Variants in VWA2 observed in about 807,000 individuals in gnomAD.
The protein encoded by VWA2 is von Willebrand factor A domain containing 2.
In VWA2, 73 loss-of-function variants were observed where a neutral mutation model predicts 70.4. The observed-to-expected ratio is 1.04, with a 90% CI of 0.86 to 1.26. VWA2 has a LOEUF of 1.26. Ranked by LOEUF, VWA2 falls within the 50% of genes most tolerant of loss-of-function variation. The pLI, the probability that VWA2 is intolerant of heterozygous loss-of-function variation, is 0.00. For missense variants in VWA2, 1,011 were observed against 998.5 expected, an observed-to-expected ratio of 1.01 and a Z score of -0.17; for synonymous variants, 407 against 423.3, an observed-to-expected ratio of 0.96 and a Z score of 0.47.
At position 114,290,343 on chromosome 10, in the gene VWA2, G is replaced by A. The variant is rs1417838792; in HGVS notation, c.2226G>A (p.Trp742Ter). Reference protein sequence around the residue: ...GSYRCKCRDGWEGPHCENRFL... With the variant: ...GSYRCKCRDG ...ACCGCTGCAAGTGTCGGGATGGCTGGGAGGGCCCCCACTGCGAGAACCGTG... is the reference window on the plus strand; with the variant it reads ...ACCGCTGCAAGTGTCGGGATGGCTGAGAGGGCCCCCACTGCGAGAACCGTG... The change falls in exon 13 of 14, where the codon TGG becomes TGA. Residue 742 changes from tryptophan to a stop codon, truncating the protein, a stop_gained. Transcript: ENST00000392982. LOFTEE classifies it high-confidence loss of function. 2 of 1,550,456 alleles carry A rather than the reference G, an allele frequency of 1.3e-6. No individual in the cohort carries two copies. The highest frequency in any genetic ancestry group is 4.9e-5 in the East Asian group (2 of 40,940).
At position 114,290,277 on chromosome 10, in the gene VWA2, G is replaced by T. The variant is rs773604676; in HGVS notation, c.2160G>T (p.Pro720=). 3 of 1,550,550 alleles carry T rather than the reference G, an allele frequency of 1.9e-6. No individual in the cohort carries two copies. In the East Asian group the frequency reaches 7.3e-5, roughly 38 times the overall value. ...CAGTCAACCTCTGCAAACCCAGCCC[G>T]TGCATGAATGAGGGCAGCTGCGTCC... The part of the protein sequence containing the change: ...KQPVNLCKPS[P]CMNEGSCVLQ... The change falls in exon 13 of 14, where the codon CCG becomes CCT. Residue 720 remains proline (P), a synonymous_variant. Transcript: ENST00000392982.
At chr10:114,244,085 C>G (rs2037021070) in intron 1 of VWA2, among the ~76,000 whole-genome samples, 2 of 152,206 alleles carry the variant, frequency 1.3e-5, no homozygotes, top group South Asian at 2.1e-4. Flanking sequence ...TCTGTTCCAG[C>G]CCCTGGCTTG....
intron 1 of VWA2, among the ~76,000 whole-genome samples, chr10:114,240,986 C>T (rs2036965610): frequency 6.6e-6 from 1 of 152,200 alleles, no homozygotes; most frequent in South Asian, 2.1e-4. Context: ...AGTATTTCCC[C>T]TCTCTTCAAT....
intron 5 of VWA2, among the ~76,000 whole-genome samples, chr10:114,267,323 G>T (rs1247511281): frequency 6.6e-6 from 1 of 152,058 alleles, no homozygotes; most frequent in African/African-American, 2.4e-5. Flanking sequence ...CACCATCTTG[G>T]CCAGGCTGGT....
intron 11 of VWA2, 59 bp from the exon 12 acceptor site, chr10:114,288,879 C>T: frequency 6.5e-7 from 1 of 1,543,570 alleles, no homozygotes; most frequent in South Asian, 1.2e-5. Flanking sequence ...TCCCTGGGTC[C>T]CGTCGAGGGG....
rs1301053714 is a variant in VWA2 at position 114,253,727 on chromosome 10, T to A, written c.127+2T>A. ...GGAAGATTTCAGCTGCCAGCAAAAG[T>A]AAGCCCAGGTTCTTCTTAACCCTCC... On this transcript the variant is annotated splice_donor_variant, in intron 3 of 13. Transcript: ENST00000392982. LOFTEE classifies it high-confidence loss of function. The A allele has an allele frequency of 6.2e-7, 1 of 1,612,216 alleles. No homozygotes were observed. The highest frequency in any genetic ancestry group is 1.1e-5 in the South Asian group (1 of 90,984).
Position 114,286,138 on chromosome 10 carries a change from G to A in VWA2, c.1197G>A (p.Glu399=), listed in dbSNP as rs1408622855. The change falls in exon 11 of 14, where the codon GAG becomes GAA. Residue 399 remains glutamate, a synonymous_variant. Transcript: ENST00000392982. ...RELLVAVPVG[E]YQDVPDLVWS... Reference sequence around the variant, plus strand: ...TGCTGGTGGCGGTGCCTGTGGGGGAGTACCAGGATGTGCCTGACCTGGTCT... The same window carrying A: ...TGCTGGTGGCGGTGCCTGTGGGGGAATACCAGGATGTGCCTGACCTGGTCT... 3 of 1,614,126 alleles carry A rather than the reference G, an allele frequency of 1.9e-6. No individual in the cohort carries two copies. Among genetic ancestry groups the A allele is most frequent in the Non-Finnish European group, 2.5e-6 (3 of 1,180,028 alleles).
chr10:114,265,756 T>C (rs2037548274), intron 5 of VWA2, among the ~76,000 whole-genome samples: 2 of 152,236 alleles, frequency 1.3e-5, no homozygotes, highest in African/African-American at 2.4e-5. Flanking sequence ...AGACTTCTTA[T>C]GTGTCTGAAC....
At chr10:114,250,249 A>G (rs1327466563) in intron 2 of VWA2, among the ~76,000 whole-genome samples, 1 of 152,162 alleles carries the variant, frequency 6.6e-6, no homozygotes, top group Non-Finnish European at 1.5e-5. Context: ...TTTATTCACC[A>G]CTATATTATT....
intron 5 of VWA2, among the ~76,000 whole-genome samples, chr10:114,267,941 A>C (rs1354092700): frequency 6.6e-6 from 1 of 152,126 alleles, no homozygotes; most frequent in Non-Finnish European, 1.5e-5. Context: ...TTTTATGAAC[A>C]CTAGAATTTG....
intron 10 of VWA2, among the ~76,000 whole-genome samples, chr10:114,285,484 T>C (rs1323795229): frequency 6.6e-6 from 1 of 152,208 alleles, no homozygotes; most frequent in Non-Finnish European, 1.5e-5. Flanking sequence ...TAAAAACAAG[T>C]GATACTGGGT....
chr10:114,282,271 T>C (rs1377685766), intron 8 of VWA2, among the ~76,000 whole-genome samples: 3 of 152,204 alleles, frequency 2.0e-5, no homozygotes, highest in African/African-American at 7.2e-5. Flanking sequence ...CCCAAAGTGT[T>C]GGGATTGCAG....
At chr10:114,242,656 G>C (rs2133274252) in intron 1 of VWA2, among the ~76,000 whole-genome samples, 1 of 138,270 alleles carries the variant, frequency 7.2e-6, no homozygotes, top group Middle Eastern at 3.6e-3. Context: ...TCTGGTCATA[G>C]CTGAGAAGTC....
intron 5 of VWA2, among the ~76,000 whole-genome samples, chr10:114,267,106 GTTTTC>G (rs984999936): frequency 1.3e-5 from 2 of 152,042 alleles, no homozygotes; most frequent in African/African-American, 4.8e-5. Flanking sequence ...CCTACAGTGG[GTTTTC>G]TTTTCTTTCT....
At chr10:114,289,545 A>G in intron 12 of VWA2, 56 bp downstream of exon 12, 1 of 1,589,386 alleles carries the variant, frequency 6.3e-7, no homozygotes, top group Non-Finnish European at 8.6e-7. Context: ...CCTCAGCCTG[A>G]GCCTTCACAT....
rs541309437 is a variant in VWA2 at position 114,266,114 on chromosome 10, G to C, written c.371+4819G>C. On this transcript the variant is annotated intron_variant, in intron 5 of 13. Coordinates refer to ENST00000392982, the MANE Select transcript of VWA2 (RefSeq NM_001272046.2). ...ATATCGAGACCATCCTGGCTAAAACGGTGAAACCCCATCTCTACTAAAAAT... is the reference window on the plus strand; with the variant it reads ...ATATCGAGACCATCCTGGCTAAAACCGTGAAACCCCATCTCTACTAAAAAT... Among the ~76,000 whole-genome samples, 23 of 152,214 alleles carry C rather than the reference G, an allele frequency of 1.5e-4. 1 individual carries two copies. Among genetic ancestry groups the C allele is most frequent in the African/African-American group, 5.5e-4 (23 of 41,528 alleles).
intron 2 of VWA2, among the ~76,000 whole-genome samples, chr10:114,252,154 T>A (rs2037210347): frequency 6.6e-6 from 1 of 152,218 alleles, no homozygotes; most frequent in African/African-American, 2.4e-5. Context: ...AAATGCCATT[T>A]TTTAAATGCA....
chr10:114,272,164 G>A (rs982674157), intron 5 of VWA2, among the ~76,000 whole-genome samples: 1 of 152,220 alleles, frequency 6.6e-6, no homozygotes, highest in Non-Finnish European at 1.5e-5. Context: ...TTGGCATCCC[G>A]ATGAGATGGG....
chr10:114,288,083 C>T (rs1349359670), intron 11 of VWA2, among the ~76,000 whole-genome samples: 2 of 152,134 alleles, frequency 1.3e-5, no homozygotes, highest in Admixed American at 6.5e-5. Flanking sequence ...GGAATAAAAC[C>T]CAAACTCCTT....
Sources: gnomAD v4.1 joint callset for allele counts (sites outside exome capture counted in the v4.1 genomes callset) on GRCh38, gnomAD v4.1.1 for gene constraint, MANE v1.5 for transcripts, NCBI Gene and HGNC (gene_info 2026-07-23, HGNC 2026-07-21) for gene names.